The following SPAG17 variants were observed in gnomAD, a reference collection of about 807,000 sequenced individuals.
SPAG17 encodes the protein sperm associated antigen 17.
Under a neutral mutation model 273.6 loss-of-function variants are expected in SPAG17, and 169 were observed. The ratio of observed to expected loss-of-function variants is 0.62; its 90% CI spans 0.55 to 0.70. The LOEUF (loss-of-function observed/expected upper bound fraction) is 0.70. Ranked by LOEUF, SPAG17 falls within the 30% of genes least tolerant of loss-of-function variation. SPAG17 has a pLI of 0.00. For missense variants in SPAG17, 2,557 were observed against 2,627.8 expected, an observed-to-expected ratio of 0.97 and a Z score of 0.59; for synonymous variants, 825 against 873.2, an observed-to-expected ratio of 0.94 and a Z score of 0.97.
chr1:118,082,619 T>C (rs1219052964), intron 13 of SPAG17, among the ~76,000 whole-genome samples: 1 of 152,228 alleles, frequency 6.6e-6, no homozygotes, highest in Admixed American at 6.5e-5. Context: ...GTGAGCTCCC[T>C]GCTCTCATGG....
Position 117,953,606 on chromosome 1 carries a change from T to A in SPAG17, c.*444A>T. On this transcript the variant is annotated 3_prime_UTR_variant, in exon 49 of 49. Coordinates refer to ENST00000336338, the MANE Select transcript of SPAG17 (RefSeq NM_206996.4). ...GATCTCAACTTTTTAGTAAAAGTTT[T>A]ATTCTGTATCAACCAGAAAGCCATT... The A allele has an allele frequency of 6.5e-7, 1 of 1,547,410 alleles. No homozygotes were observed. The highest frequency in any genetic ancestry group is 8.8e-7 in the Non-Finnish European group (1 of 1,136,906).
chr1:118,056,434 T>C (rs1276775714), intron 18 of SPAG17, among the ~76,000 whole-genome samples: 1 of 152,244 alleles, frequency 6.6e-6, no homozygotes, highest in Non-Finnish European at 1.5e-5. Flanking sequence ...TCTTAAATAC[T>C]ATTCTCTAAC....
At chr1:118,066,968 G>A (rs1653044227) in intron 17 of SPAG17, 69 bp from the exon 18 acceptor site, 10 of 1,425,352 alleles carry the variant, frequency 7.0e-6, no homozygotes, top group Non-Finnish European at 9.4e-6. Flanking sequence ...TCCTACTAGG[G>A]CATTTCTCTA....
intron 19 of SPAG17, 70 bp downstream of exon 19, chr1:118,055,663 T>A (rs1401399232): frequency 4.7e-6 from 6 of 1,266,112 alleles, no homozygotes; most frequent in Non-Finnish European, 6.7e-6. Context: ...ATTCACAGTC[T>A]TGATTAAATT....
chr1:118,057,011 G>A (rs528973984), intron 18 of SPAG17, among the ~76,000 whole-genome samples: 1 of 149,740 alleles, frequency 6.7e-6, no homozygotes, highest in East Asian at 2.0e-4. Context: ...GTCTCGCTCT[G>A]TCACCCAGGC....
intron 19 of SPAG17, among the ~76,000 whole-genome samples, chr1:118,055,490 A>T (rs1651565044): frequency 6.6e-6 from 1 of 152,192 alleles, no homozygotes; most frequent in African/African-American, 2.4e-5. Context: ...TGCACAACAG[A>T]TGGAATCTTC....
chr1:118,082,558 T>C, intron 13 of SPAG17, among the ~76,000 whole-genome samples: 1 of 152,186 alleles, frequency 6.6e-6, no homozygotes, highest in African/African-American at 2.4e-5. Flanking sequence ...GAGCCCCTAT[T>C]AGGCATCATT....
intron 48 of SPAG17, among the ~76,000 whole-genome samples, chr1:117,957,860 A>C (rs1652445331): frequency 6.6e-6 from 1 of 152,232 alleles, no homozygotes; most frequent in African/African-American, 2.4e-5. Flanking sequence ...ACATTTTAAG[A>C]AAGTCAGTTT....
chr1:117,998,793 AG>A (rs1657945518), intron 32 of SPAG17, among the ~76,000 whole-genome samples: 1 of 151,950 alleles, frequency 6.6e-6, no homozygotes, highest in African/African-American at 2.4e-5. Flanking sequence ...CTGTATTCTT[AG>A]GTATTTTATT....
chr1:118,115,508 G>A, intron 3 of SPAG17, 67 bp from the exon 4 acceptor site: 2 of 1,413,998 alleles, frequency 1.4e-6, no homozygotes, highest in Non-Finnish European at 9.5e-7. Flanking sequence ...TGTCAGTGAT[G>A]AAAAGATGAA....
At chr1:118,120,197 T>C (rs1462211718) in intron 3 of SPAG17, among the ~76,000 whole-genome samples, 1 of 152,174 alleles carries the variant, frequency 6.6e-6, no homozygotes, top group Non-Finnish European at 1.5e-5. Context: ...TCTGTGATGA[T>C]GAAAATATTC....
chr1:118,034,263 G>A (rs973591494), intron 24 of SPAG17, among the ~76,000 whole-genome samples: 2 of 152,192 alleles, frequency 1.3e-5, no homozygotes, highest in African/African-American at 4.8e-5. Context: ...GTACAATGCT[G>A]TGTGTTCAGT....
chr1:118,081,987 C>A (rs146101194), intron 13 of SPAG17, among the ~76,000 whole-genome samples: 1 of 152,262 alleles, frequency 6.6e-6, no homozygotes, highest in Non-Finnish European at 1.5e-5. Flanking sequence ...TGAGTGAAAG[C>A]ACCCTTTTCT....
chr1:118,176,718 C>A (rs1328186849), intron 1 of SPAG17, among the ~76,000 whole-genome samples: 2 of 152,068 alleles, frequency 1.3e-5, no homozygotes, highest in East Asian at 2.0e-4. Context: ...GATATTTACA[C>A]AACATTTCAC....
chr1:118,038,994 A>G (rs1555835), intron 23 of SPAG17, among the ~76,000 whole-genome samples: 86,915 of 151,810 alleles, frequency 0.57, 25,498 homozygotes, highest in African/African-American at 0.7. Context: ...TAATAGTGGA[A>G]GAGGCTGGAC....
At chr1:118,035,774 T>C (rs1455599865) in intron 24 of SPAG17, among the ~76,000 whole-genome samples, 6 of 152,244 alleles carry the variant, frequency 3.9e-5, no homozygotes, top group Admixed American at 3.9e-4. Flanking sequence ...AGAAAATATG[T>C]TGTGGTTAGA....
At chr1:118,158,494 CA>C (rs1659763606) in intron 1 of SPAG17, among the ~76,000 whole-genome samples, 1 of 152,172 alleles carries the variant, frequency 6.6e-6, no homozygotes, top group Non-Finnish European at 1.5e-5. Flanking sequence ...GGTTGAACTG[CA>C]AATATTAATC....
rs548776457 is a variant in SPAG17, at chr1:118,104,330, A to G, written c.448-2404T>C. 9.8e-5 allele frequency among the ~76,000 whole-genome samples: 15 copies of G among 152,336 alleles called. No homozygotes were observed. In the South Asian group the frequency reaches 2.9e-3, roughly 29 times the overall value. ...GCAACTGGGTGGTTGATGGTGTCAC[A>G]GAGATAGAGAAGACTGGGTGATAAA... On this transcript the variant is annotated intron_variant, in intron 4 of 48. Transcript: ENST00000336338.
chr1:117,959,335 G>GGGAAT (rs1211435561), intron 48 of SPAG17: 1 of 1,613,884 alleles, frequency 6.2e-7, no homozygotes, highest in East Asian at 2.2e-5. Flanking sequence ...TATCTCAAGA[G>GGGAAT]GGAATGCGAG....
Sources: gnomAD v4.1 joint callset for allele counts (sites outside exome capture counted in the v4.1 genomes callset) on GRCh38, gnomAD v4.1.1 for gene constraint, MANE v1.5 for transcripts, NCBI Gene and HGNC (gene_info 2026-07-23, HGNC 2026-07-21) for gene names.